SRP19: variants seen among roughly 807,000 people sequenced by gnomAD.
SRP19 encodes signal recognition particle 19.
SRP19 carries 11 observed loss-of-function variants against 22.4 expected under a neutral mutation model. The ratio of observed to expected loss-of-function variants is 0.49; its 90% CI spans 0.31 to 0.81. The LOEUF is 0.81. Ranked by LOEUF, SRP19 falls within the 40% of genes least tolerant of loss-of-function variation. The probability of loss-of-function intolerance (pLI) is 0.05; values close to 1 mark genes in which losing one functional copy is unlikely to be tolerated. For synonymous variants in SRP19, 61 were observed against 57.6 expected (o/e 1.06, Z -0.27); for missense variants, 168 against 175.9 (o/e 0.96, Z 0.25).
At chr5:112,865,937 G>A (rs1232611519) in intron 4 of SRP19, among the ~76,000 whole-genome samples, 1 of 152,088 alleles carries the variant, frequency 6.6e-6, no homozygotes, top group Non-Finnish European at 1.5e-5. Context: ...GTGTTGCCCA[G>A]GCTAGTCTCA....
chr5:112,879,756 G>T (rs554570042), intron 4 of SRP19, among the ~76,000 whole-genome samples: 2 of 151,904 alleles, frequency 1.3e-5, no homozygotes, highest in African/African-American at 4.8e-5. Flanking sequence ...GATTACAGAC[G>T]TAAGCCACCA....
chr5:112,867,238 G>A lies in SRP19; in HGVS notation c.302-166G>A, dbSNP rs992995121. Reference sequence around the variant, plus strand: ...TTCTCACTCTCAGTACATTTCCCCCGACTTGAGCTAGTCAGTGTCTTCAGT... The same window carrying A: ...TTCTCACTCTCAGTACATTTCCCCCAACTTGAGCTAGTCAGTGTCTTCAGT... On this transcript the variant is annotated intron_variant, in intron 4 of 4. Coordinates refer to ENST00000505459, the MANE Select transcript of SRP19 (RefSeq NM_003135.3). 12 of 676,274 alleles carry A rather than the reference G, an allele frequency of 1.8e-5. 1 individual carries two copies. Among genetic ancestry groups the A allele is most frequent in the East Asian group, 5.7e-5 (2 of 34,892 alleles). The allele number at this position is 676,274 out of a possible 1,614,324, so 41.9% of individuals were successfully genotyped here.
At chr5:112,891,219 C>T (rs888664754) in intron 4 of SRP19, among the ~76,000 whole-genome samples, 2 of 152,066 alleles carry the variant, frequency 1.3e-5, no homozygotes, top group Non-Finnish European at 2.9e-5. Flanking sequence ...ATTACAGGCA[C>T]GTGCTACCAA....
Position 112,867,429 on chromosome 5 carries a change from A to G in SRP19, c.327A>G (p.Ala109=). 6.2e-7 allele frequency: 1 copy of G among 1,614,098 alleles called. No individual in the cohort carries two copies. Residue 109 remains alanine, a synonymous_variant, in exon 5 of 5, where the codon GCA becomes GCG. Coordinates refer to ENST00000505459, the MANE Select transcript of SRP19 (RefSeq NM_003135.3). ...PSRKSVMLYA[A]EMIPKLKTRT... ...GTAAGTCAGTAATGTTGTATGCAGCAGAAATGATACCTAAACTAAAAACAA... is the reference window on the plus strand; with the variant it reads ...GTAAGTCAGTAATGTTGTATGCAGCGGAAATGATACCTAAACTAAAAACAA...
chr5:112,868,420 G>T lies in SRP19; in HGVS notation c.*883G>T. ...AGTTTGTTTGTTTGTTTGTTTTTGA[G>T]ATGGAGTTTCACTCTTGTTGCCTAG... is the stretch of plus-strand genomic sequence containing the variant. On this transcript the variant is annotated 3_prime_UTR_variant, in exon 5 of 5. Transcript: ENST00000505459. 1.0e-6 allele frequency: 1 copy of T among 989,584 alleles called. No homozygotes were observed. Among genetic ancestry groups the T allele is most frequent in the Non-Finnish European group, 1.2e-6 (1 of 831,332 alleles). The allele number at this position is 989,584 out of a possible 1,614,324, so 61.3% of individuals were successfully genotyped here. A position where few individuals can be genotyped will look rare whatever the true frequency, so the allele number is the denominator to read the frequency against.
chr5:112,867,514 G>C lies in SRP19; in HGVS notation c.412G>C (p.Gly138Arg). The C allele has an allele frequency of 6.2e-7, 1 of 1,612,474 alleles. No homozygotes were observed. Among genetic ancestry groups the C allele is most frequent in the South Asian group, 1.1e-5 (1 of 90,968 alleles). Residue 138 changes from glycine (G) to arginine (R), a missense_variant, in exon 5 of 5, where the codon GGG (glycine) becomes CGG (arginine). Gly to Arg is a moderately radical substitution (Grantham distance 125). Coordinates refer to ENST00000505459, the MANE Select transcript of SRP19 (RefSeq NM_003135.3). The stretch of plus-strand genomic sequence containing the variant: ...TCAACAAGGAGAGGGAAGTAAAAAA[G>C]GGAAAGGAAAGAAAAAGAAGTAACC... The part of the protein sequence containing the change: ...SLQQGEGSKK[G>R]KGKKKK
Position 112,887,896 on chromosome 5 carries a change from G to A in SRP19, c.302-3707G>A, listed in dbSNP as rs570231252. ...TGATTCAAATAATAAATACCAACTC[G>A]TCACTTCAAGTCATCCATGCAATTT... On this transcript the variant is annotated intron_variant, in intron 4 of 4. Coordinates refer to the SRP19 transcript ENST00000391338. Among the ~76,000 whole-genome samples, 11 of 152,018 alleles carry A rather than the reference G, an allele frequency of 7.2e-5. No individual in the cohort carries two copies. The South Asian group carries it at 2.1e-3, about 29-fold the overall frequency.
At position 112,864,683 on chromosome 5, in the gene SRP19, C is replaced by T; in HGVS notation, c.252C>T (p.Val84=). The change falls in exon 4 of 5, where the codon GTC becomes GTT. Residue 84 remains valine, a synonymous_variant. Coordinates refer to ENST00000505459, the MANE Select transcript of SRP19 (RefSeq NM_003135.3). ...TCCAATACAGAGGCAGAGTCCGGGTCCAGCTCAAACAGGAAGATGGGAGCC... is the reference window on the plus strand; with the variant it reads ...TCCAATACAGAGGCAGAGTCCGGGTTCAGCTCAAACAGGAAGATGGGAGCC... ...RDVQYRGRVR[V]QLKQEDGSLC... is the part of the protein sequence containing the mutation. 2 of 1,614,084 alleles carry T rather than the reference C, an allele frequency of 1.2e-6. No individual in the cohort carries two copies. The highest frequency in any genetic ancestry group is 1.7e-6 in the Non-Finnish European group (2 of 1,180,008).
intron 4 of SRP19, chr5:112,877,048 T>C (rs1767916344): frequency 6.6e-6 from 1 of 152,108 alleles, no homozygotes; most frequent in Non-Finnish European, 1.5e-5. Context: ...ATTTAAATAC[T>C]CCTAGATACT....
At chr5:112,872,781 G>C (rs1025910414), downstream of SRP19, among the ~76,000 whole-genome samples, 1 of 152,160 alleles carries the variant, frequency 6.6e-6, no homozygotes, top group Non-Finnish European at 1.5e-5. Context: ...TGTATCCCGT[G>C]TATTCCTCTT....
intron 4 of SRP19, among the ~76,000 whole-genome samples, chr5:112,881,589 C>A (rs1376005730): frequency 6.6e-6 from 1 of 152,082 alleles, no homozygotes; most frequent in Non-Finnish European, 1.5e-5. Context: ...GACCCTAGTA[C>A]AAATGGATCT....
At chr5:112,892,224 A>T in exon 5 of SRP19, 1 of 1,614,158 alleles carries the variant, frequency 6.2e-7, no homozygotes, top group Non-Finnish European at 8.5e-7. Flanking sequence ...GTTCACGTAA[A>T]CATAATTTCC....
rs1293499573 is a variant in SRP19 at position 112,861,299 on chromosome 5, A to G, written c.-78A>G. The G allele has an allele frequency of 1.3e-6, 2 of 1,563,420 alleles. No homozygotes were observed. Among genetic ancestry groups the G allele is most frequent in the Non-Finnish European group, 1.8e-6 (2 of 1,134,346 alleles). The stretch of plus-strand genomic sequence containing the variant: ...CCGGCGGAAAAGCGGGCTGTCTCGG[A>G]AACTCAGAGCCGGGTTCCTCCCGGG... On this transcript the variant is annotated 5_prime_UTR_variant, in exon 1 of 5. Coordinates refer to ENST00000505459, the MANE Select transcript of SRP19 (RefSeq NM_003135.3).
intron 2 of SRP19, among the ~76,000 whole-genome samples, chr5:112,863,538 T>A (rs1005061271): frequency 2.6e-5 from 4 of 152,186 alleles, no homozygotes; most frequent in Admixed American, 6.5e-5. Flanking sequence ...CAAGCATTGC[T>A]AGATGTCTTT....
intron 4 of SRP19, among the ~76,000 whole-genome samples, chr5:112,888,969 G>C (rs1271687559): frequency 2.0e-5 from 3 of 150,884 alleles, no homozygotes; most frequent in Non-Finnish European, 2.9e-5. Flanking sequence ...TAGTGAATAA[G>C]TCTCACGAGA....
chr5:112,877,034 A>T (rs529158171), intron 4 of SRP19: 1 of 152,124 alleles, frequency 6.6e-6, no homozygotes, highest in African/African-American at 2.4e-5. Context: ...TTTATGGGAA[A>T]AGGATTTAAA....
chr5:112,891,575 G>T lies in SRP19; in HGVS notation c.302-28G>T. 3 of 1,551,700 alleles carry T rather than the reference G, an allele frequency of 1.9e-6. No individual in the cohort carries two copies. The South Asian group carries it at 3.6e-5, about 18-fold the overall frequency. ...TAGAATCACTGACAGTGGCAGCTATGAACAAAATCTTCCATATATTCCCAT... is the reference window on the plus strand; with the variant it reads ...TAGAATCACTGACAGTGGCAGCTATTAACAAAATCTTCCATATATTCCCAT... On this transcript the variant is annotated intron_variant, in intron 4 of 4. Transcript: ENST00000391338.
At chr5:112,879,309 C>T (rs1053939449) in intron 4 of SRP19, among the ~76,000 whole-genome samples, 4 of 96,048 alleles carry the variant, frequency 4.2e-5, no homozygotes, top group African/African-American at 1.9e-4. Context: ...TACAGTCATC[C>T]CTTGATATAT....
At chr5:112,892,962 G>A in exon 5 of SRP19, 11 of 1,595,130 alleles carry the variant, frequency 6.9e-6, no homozygotes, top group Non-Finnish European at 8.6e-6. Flanking sequence ...AGGGCCGCCG[G>A]AGCCAGAGCC....
Sources: allele counts gnomAD v4.1 joint callset (sites outside exome capture counted in the v4.1 genomes callset), GRCh38; gene constraint gnomAD v4.1.1; transcripts MANE v1.5; gene names NCBI Gene and HGNC (gene_info 2026-07-23, HGNC 2026-07-21).